The following MYOM2 variants were observed in gnomAD, a reference collection of about 807,000 sequenced individuals.
MYOM2 encodes the protein myomesin 2.
Under a neutral mutation model 187.6 loss-of-function variants are expected in MYOM2, and 254 were observed. That is an observed-to-expected ratio of 1.35 (90% CI 1.22 to 1.50). The LOEUF (loss-of-function observed/expected upper bound fraction) is 1.50, where lower values mean the gene tolerates loss of function less well. Among genes scored for constraint, MYOM2 ranks in the 40% most tolerant of loss-of-function variants. MYOM2 has a pLI of 0.00. For synonymous variants in MYOM2, 981 were observed against 753.8 expected (o/e 1.30, Z -4.94); for missense variants, 2,796 against 1,924.0 (o/e 1.45, Z -8.48).
chr8:2,144,748 G>A lies in MYOM2; in HGVS notation c.4165G>A (p.Glu1389Lys), dbSNP rs1798397850. ...GAACGACCAGGACATCCAGCTCAGC[G>A]AGCACTTCTCGGTGAAGGTGGAGCA... ...FKNDQDIQLS[E>K]HFSVKVEQAK... is the part of the protein sequence containing the mutation. Residue 1389 changes from glutamate (E) to lysine (K), a missense_variant, in exon 37 of 37, where the codon GAG (glutamate) becomes AAG (lysine). Glu to Lys is a moderately conservative substitution (Grantham distance 56, BLOSUM62 1). Transcript: ENST00000262113. The A allele has an allele frequency of 1.2e-6, 2 of 1,613,996 alleles. No homozygotes were observed. Among genetic ancestry groups the A allele is most frequent in the African/African-American group, 1.3e-5 (1 of 74,904 alleles).
intron 27 of MYOM2, among the ~76,000 whole-genome samples, chr8:2,117,109 A>G (rs1797275229): frequency 6.6e-6 from 1 of 152,168 alleles, no homozygotes; most frequent in South Asian, 2.1e-4. Flanking sequence ...CTTGAGAAAA[A>G]TTAGAATGTG....
At chr8:2,115,070 G>C (rs1797194022) in intron 25 of MYOM2, among the ~76,000 whole-genome samples, 1 of 151,628 alleles carries the variant, frequency 6.6e-6, no homozygotes, top group South Asian at 2.1e-4. Flanking sequence ...AAGTGAAAAA[G>C]TGAAATTTAA....
intron 31 of MYOM2, among the ~76,000 whole-genome samples, chr8:2,126,218 G>C (rs940900961): frequency 1.3e-5 from 2 of 152,184 alleles, no homozygotes; most frequent in African/African-American, 2.4e-5. Flanking sequence ...TTGGGAGTTG[G>C]ATAGGGACAG....
At chr8:2,064,449 T>A (rs1257911238) in intron 6 of MYOM2, among the ~76,000 whole-genome samples, 1 of 152,180 alleles carries the variant, frequency 6.6e-6, no homozygotes, top group Non-Finnish European at 1.5e-5. Flanking sequence ...GCCACCGCCG[T>A]CGTCAGTGGG....
intron 14 of MYOM2, among the ~76,000 whole-genome samples, chr8:2,089,599 G>C (rs1403454548): frequency 2.0e-5 from 3 of 152,158 alleles, no homozygotes; most frequent in African/African-American, 7.2e-5. Context: ...GCAAGTAGCT[G>C]CAATATGGTA....
At chr8:2,075,833 C>G (rs529379514) in intron 10 of MYOM2, among the ~76,000 whole-genome samples, 1 of 152,168 alleles carries the variant, frequency 6.6e-6, no homozygotes, top group Non-Finnish European at 1.5e-5. Context: ...TTTTTGCCAA[C>G]GTGCCGTTAT....
chr8:2,126,959 G>A (rs1423214440), intron 31 of MYOM2, among the ~76,000 whole-genome samples: 2 of 148,608 alleles, frequency 1.3e-5, no homozygotes, highest in African/African-American at 2.5e-5. Flanking sequence ...GGGAGGATGG[G>A]GAAGCACTGA....
intron 3 of MYOM2, among the ~76,000 whole-genome samples, chr8:2,054,627 G>C (rs1818596387): frequency 6.6e-6 from 1 of 152,194 alleles, no homozygotes; most frequent in South Asian, 2.1e-4. Flanking sequence ...TGGTGCTATT[G>C]ACCTAAGAAT....
Position 2,072,524 on chromosome 8 carries a change from GC to G in MYOM2, c.958+18del, listed in dbSNP as rs1331699863. 6.2e-7 allele frequency: 1 copy of G among 1,607,686 alleles called. No homozygotes were observed. The highest frequency in any genetic ancestry group is 8.5e-7 in the Non-Finnish European group (1 of 1,178,138). On this transcript the variant is annotated intron_variant, in intron 9 of 36. Coordinates refer to ENST00000262113, the MANE Select transcript of MYOM2 (RefSeq NM_003970.4). Reference sequence around the variant, plus strand: ...GTACCGCGATGGTGAGTAGGACACGGCCCAGACCCGGGCACACACCAGGAGG... The same window carrying G: ...GTACCGCGATGGTGAGTAGGACACGGCCAGACCCGGGCACACACCAGGAGG...
rs532665888 is a variant in MYOM2, at chr8:2,064,150, C to G, written c.653+4905C>G. On this transcript the variant is annotated intron_variant, in intron 6 of 36. Transcript: ENST00000262113. ...AGAGTGGCCGCCCTTCCTCCTGCAT[C>G]TGCTCCGTCGTCTGCCCAGGCCCCC... is the stretch of plus-strand genomic sequence containing the variant. Among the ~76,000 whole-genome samples the G allele has an allele frequency of 1.2e-4, 19 of 152,322 alleles. No individual in the cohort carries two copies. The South Asian group carries it at 3.7e-3, about 30-fold the overall frequency.
chr8:2,129,307 T>A, intron 32 of MYOM2, 75 bp downstream of exon 32: 1 of 937,810 alleles, frequency 1.1e-6, no homozygotes, highest in Non-Finnish European at 1.7e-6. Context: ...GACCAGGCGC[T>A]CCCTGGGGAA....
At chr8:2,103,728 T>G (rs1796798733) in intron 21 of MYOM2, among the ~76,000 whole-genome samples, 1 of 151,202 alleles carries the variant, frequency 6.6e-6, no homozygotes, top group Non-Finnish European at 1.5e-5. Context: ...TATATGTGTA[T>G]GTATGGATGG....
At chr8:2,140,290 C>T (rs748101183) in intron 32 of MYOM2, among the ~76,000 whole-genome samples, 7 of 150,910 alleles carry the variant, frequency 4.6e-5, no homozygotes, top group Non-Finnish European at 7.4e-5. Context: ...CCAATGGACG[C>T]TTGGGCTGCC....
chr8:2,123,441 C>G, intron 29 of MYOM2, 76 bp downstream of exon 29: 5 of 1,467,280 alleles, frequency 3.4e-6, no homozygotes, highest in Admixed American at 3.5e-5. Flanking sequence ...CTACAATCCT[C>G]TAATTTGCAT....
At chr8:2,098,164 C>G (rs565813761) in intron 18 of MYOM2, 1 of 152,394 alleles carries the variant, frequency 6.6e-6, no homozygotes, top group African/African-American at 2.4e-5. Context: ...GGAGGATAAA[C>G]TGAAGCCGTT....
intron 28 of MYOM2, among the ~76,000 whole-genome samples, chr8:2,122,268 TC>T (rs1445575950): frequency 6.6e-6 from 1 of 152,202 alleles, no homozygotes; most frequent in Non-Finnish European, 1.5e-5. Flanking sequence ...AAGGAGTGGT[TC>T]TGATTTAGAA....
chr8:2,132,784 A>G (rs1797921054), intron 32 of MYOM2, among the ~76,000 whole-genome samples: 1 of 152,188 alleles, frequency 6.6e-6, no homozygotes, highest in Non-Finnish European at 1.5e-5. Context: ...ATTTTAATTC[A>G]TTTCAGGAGA....
intron 6 of MYOM2, among the ~76,000 whole-genome samples, chr8:2,067,179 T>C (rs1819046172): frequency 6.6e-6 from 1 of 152,226 alleles, no homozygotes; most frequent in African/African-American, 2.4e-5. Flanking sequence ...AGAAAATATT[T>C]TCAGCACGTA....
intron 23 of MYOM2, among the ~76,000 whole-genome samples, chr8:2,108,548 T>C (rs926013586): frequency 6.6e-6 from 1 of 152,172 alleles, no homozygotes; most frequent in African/African-American, 2.4e-5. Flanking sequence ...CCCAATTCCT[T>C]TGTCCCCATG....
Sources: gnomAD v4.1 joint callset for allele counts (sites outside exome capture counted in the v4.1 genomes callset) on GRCh38, gnomAD v4.1.1 for gene constraint, MANE v1.5 for transcripts, NCBI Gene and HGNC (gene_info 2026-07-23, HGNC 2026-07-21) for gene names.